ZSWIM6: variants seen among roughly 807,000 people sequenced by gnomAD.
ZSWIM6 encodes zinc finger SWIM-type containing 6, also known as zinc finger SWIM domain-containing protein 6.
A neutral mutation model predicts 113.2 loss-of-function variants in ZSWIM6; 9 were observed. The observed-to-expected ratio is 0.08, with a 90% CI of 0.05 to 0.14. The LOEUF is 0.14. Ranked by LOEUF, ZSWIM6 falls within the 10% of genes least tolerant of loss-of-function variation. The probability of loss-of-function intolerance (pLI) is 1.00; values close to 1 mark genes in which losing one functional copy is unlikely to be tolerated. For missense variants in ZSWIM6, 1,162 were observed against 1,552.2 expected (o/e 0.75, Z 4.22); for synonymous variants, 611 against 606.5 (o/e 1.01, Z -0.11).
At chr5:61,541,790 G>C in intron 12 of ZSWIM6, 94 bp from the exon 13 acceptor site, 1 of 939,962 alleles carries the variant, frequency 1.1e-6, no homozygotes, top group Non-Finnish European at 1.6e-6. Flanking sequence ...GTAGACAGTA[G>C]GTATGCCTTA....
intron 4 of ZSWIM6, among the ~76,000 whole-genome samples, chr5:61,502,233 C>G (rs1748487286): frequency 6.6e-6 from 1 of 152,130 alleles, no homozygotes; most frequent in Non-Finnish European, 1.5e-5. Flanking sequence ...GAAGTGGAAG[C>G]AAAGGGAAGG....
chr5:61,520,500 A>C (rs1749084452), intron 4 of ZSWIM6, among the ~76,000 whole-genome samples: 1 of 152,164 alleles, frequency 6.6e-6, no homozygotes, highest in Non-Finnish European at 1.5e-5. Flanking sequence ...AATTTTGATT[A>C]TGGTTTAGTA....
intron 5 of ZSWIM6, 84 bp from the exon 6 acceptor site, chr5:61,525,716 A>C (rs549604850): frequency 6.8e-7 from 1 of 1,479,484 alleles, no homozygotes; most frequent in East Asian, 2.5e-5. Context: ...TGTGTTCATG[A>C]ACATCTGGCC....
intron 1 of ZSWIM6, among the ~76,000 whole-genome samples, chr5:61,358,288 A>AATC (rs1366106694): frequency 3.3e-5 from 5 of 152,370 alleles, no homozygotes; most frequent in African/African-American, 1.2e-4. Flanking sequence ...AAGGATCTTG[A>AATC]AGATCCCCCA....
intron 1 of ZSWIM6, among the ~76,000 whole-genome samples, chr5:61,447,734 T>A (rs1462128584): frequency 6.6e-6 from 1 of 152,170 alleles, no homozygotes; most frequent in Non-Finnish European, 1.5e-5. Context: ...TAGAGGTTTG[T>A]TTTAGGTCTT....
chr5:61,392,955 C>T (rs1273062110), intron 1 of ZSWIM6, among the ~76,000 whole-genome samples: 1 of 151,942 alleles, frequency 6.6e-6, no homozygotes, highest in Non-Finnish European at 1.5e-5. Flanking sequence ...CTGTTTTCTC[C>T]TGTTAATGAA....
chr5:61,534,984 G>A (rs1233911753), intron 9 of ZSWIM6, among the ~76,000 whole-genome samples: 3 of 152,078 alleles, frequency 2.0e-5, no homozygotes, highest in African/African-American at 7.2e-5. Context: ...AGAGAGCTGT[G>A]GTTCAGAATC....
At chr5:61,359,995 G>A (rs1744998268) in intron 1 of ZSWIM6, among the ~76,000 whole-genome samples, 1 of 151,242 alleles carries the variant, frequency 6.6e-6, no homozygotes, top group African/African-American at 2.4e-5. Context: ...GACCAGAAAA[G>A]CAGAGAGAGA....
chr5:61,505,606 CCT>C, intron 4 of ZSWIM6, among the ~76,000 whole-genome samples: 1 of 25,988 alleles, frequency 3.8e-5, no homozygotes, highest in African/African-American at 1.8e-4. Context: ...GATTTACCTT[CCT>C]TCCTTCCTTC....
At chr5:61,384,021 C>T (rs1745541399) in intron 1 of ZSWIM6, among the ~76,000 whole-genome samples, 1 of 148,838 alleles carries the variant, frequency 6.7e-6, no homozygotes, top group African/African-American at 2.5e-5. Flanking sequence ...GCAGGTGGAT[C>T]ATGAGGTCAG....
chr5:61,363,431 C>A (rs2112056114), intron 1 of ZSWIM6, among the ~76,000 whole-genome samples: 1 of 152,252 alleles, frequency 6.6e-6, no homozygotes, highest in Middle Eastern at 3.4e-3. Context: ...TAGTACTTAC[C>A]TTGCACACTT....
At chr5:61,477,592 T>C (rs1747738872) in intron 2 of ZSWIM6, among the ~76,000 whole-genome samples, 1 of 152,226 alleles carries the variant, frequency 6.6e-6, no homozygotes, top group Non-Finnish European at 1.5e-5. Context: ...AAGAATTCCA[T>C]TTAAGTCTGC....
intron 1 of ZSWIM6, among the ~76,000 whole-genome samples, chr5:61,358,798 A>G (rs1167625609): frequency 2.6e-5 from 4 of 152,216 alleles, no homozygotes; most frequent in Non-Finnish European, 5.9e-5. Flanking sequence ...GCCAGACGCT[A>G]TAGAGCAGTG....
chr5:61,539,993 A>G (rs538374635), intron 12 of ZSWIM6, among the ~76,000 whole-genome samples: 15 of 149,366 alleles, frequency 1.0e-4, no homozygotes, highest in Non-Finnish European at 1.9e-4. Flanking sequence ...GTGTCTTTCA[A>G]TTAAAAAAAA....
intron 1 of ZSWIM6, among the ~76,000 whole-genome samples, chr5:61,379,334 T>C (rs558135616): frequency 3.4e-5 from 5 of 147,012 alleles, no homozygotes; most frequent in Non-Finnish European, 7.6e-5. Flanking sequence ...GGGAAATCTT[T>C]TTGTATCCTG....
chr5:61,363,816 G>A (rs577913902), intron 1 of ZSWIM6, among the ~76,000 whole-genome samples: 1 of 151,976 alleles, frequency 6.6e-6, no homozygotes, highest in Non-Finnish European at 1.5e-5. Context: ...CTGTAGGATA[G>A]TTTGTTTCCT....
In ZSWIM6 at chr5:61,472,371, A is replaced by T. The variant is rs918337678; in HGVS notation, c.677-310A>T. Reference sequence around the variant, plus strand: ...TATACCACTGATTCAGAGCAGAGTAATGATGGCCTCTTAGTGCGTGATCTA... The same window carrying T: ...TATACCACTGATTCAGAGCAGAGTATTGATGGCCTCTTAGTGCGTGATCTA... On this transcript the variant is annotated intron_variant, in intron 1 of 13. Transcript: ENST00000252744. The surrounding 1 kb of genome is among the most constrained non-coding windows in gnomAD (Gnocchi z 4.1). Among the ~76,000 whole-genome samples, 5 of 152,222 alleles carry T rather than the reference A, an allele frequency of 3.3e-5. No individual in the cohort carries two copies. The highest frequency in any genetic ancestry group is 5.9e-5 in the Non-Finnish European group (4 of 68,046).
chr5:61,384,101 C>T (rs1219479014), intron 1 of ZSWIM6, among the ~76,000 whole-genome samples: 2 of 150,110 alleles, frequency 1.3e-5, no homozygotes, highest in East Asian at 2.0e-4. Flanking sequence ...ATTAGCCGGG[C>T]GCGGTGGCGG....
At position 61,473,498 on chromosome 5, in the gene ZSWIM6, T is replaced by G. The variant is rs148782302; in HGVS notation, c.1033+461T>G. The stretch of plus-strand genomic sequence containing the variant: ...TAGCTTGTTTAGAGAGAATTTAGAA[T>G]ATGAATATTTTGTATAAGAAAATAC... On this transcript the variant is annotated intron_variant, in intron 2 of 13. Coordinates refer to ENST00000252744, the MANE Select transcript of ZSWIM6 (RefSeq NM_020928.2). 2.0e-5 allele frequency among the ~76,000 whole-genome samples: 3 copies of G among 152,356 alleles called. No individual in the cohort carries two copies. The East Asian group carries it at 5.8e-4, about 29-fold the overall frequency.
Sources: allele counts gnomAD v4.1 joint callset (sites outside exome capture counted in the v4.1 genomes callset), GRCh38; gene constraint gnomAD v4.1.1; non-coding constraint Gnocchi (gnomAD v3.1); transcripts MANE v1.5; gene names NCBI Gene and HGNC (gene_info 2026-07-23, HGNC 2026-07-21).